THSD7A: variants seen among roughly 807,000 people sequenced by gnomAD.
THSD7A encodes the protein thrombospondin type 1 domain containing 7A, also known as thrombospondin type-1 domain-containing protein 7A.
In THSD7A, 96 loss-of-function variants were observed where a neutral mutation model predicts 231.3. The observed-to-expected ratio is 0.41, with a 90% CI of 0.35 to 0.49. The LOEUF (loss-of-function observed/expected upper bound fraction) is 0.49, where lower values mean the gene tolerates loss of function less well. Ranked by LOEUF, THSD7A falls within the 20% of genes least tolerant of loss-of-function variation. The pLI is 0.05. For synonymous variants in THSD7A, 940 were observed against 743.3 expected (o/e 1.26, Z -4.30); for missense variants, 2,290 against 2,070.2 (o/e 1.11, Z -2.06).
rs1389526366 is a variant in THSD7A, at chr7:11,831,196, C to T, written c.190+561G>A. ...CCTAAAAGTTGTACACTTTAAAAAT[C>T]CTCCGACTCGCTAGTTAATAATTGA... On this transcript the variant is annotated intron_variant, in intron 1 of 27. Coordinates refer to ENST00000423059, the MANE Select transcript of THSD7A (RefSeq NM_015204.3). The surrounding 1 kb of genome is among the most constrained non-coding windows in gnomAD (Gnocchi z 5.0). 6.6e-6 allele frequency among the ~76,000 whole-genome samples: 1 copy of T among 152,180 alleles called. No homozygotes were observed. Among genetic ancestry groups the T allele is most frequent in the Non-Finnish European group, 1.5e-5 (1 of 68,022 alleles).
intron 1 of THSD7A, among the ~76,000 whole-genome samples, chr7:11,813,661 C>T (rs924931698): frequency 1.3e-4 from 19 of 151,352 alleles, no homozygotes; most frequent in African/African-American, 3.9e-4. Flanking sequence ...TGCAGTGAGC[C>T]GAGATAGCAC....
At chr7:11,795,202 C>G (rs1784086386) in intron 1 of THSD7A, among the ~76,000 whole-genome samples, 1 of 151,860 alleles carries the variant, frequency 6.6e-6, no homozygotes, top group South Asian at 2.1e-4. Flanking sequence ...AAATTAGCAT[C>G]CCAAAATTAA....
intron 1 of THSD7A, among the ~76,000 whole-genome samples, chr7:11,725,607 A>G (rs1426908964): frequency 6.6e-6 from 1 of 152,142 alleles, no homozygotes; most frequent in African/African-American, 2.4e-5. Context: ...TTATTTGGTT[A>G]ATTAGTTTTT....
At chr7:11,704,272 T>A (rs1014064225) in intron 1 of THSD7A, among the ~76,000 whole-genome samples, 1 of 151,134 alleles carries the variant, frequency 6.6e-6, no homozygotes, top group Non-Finnish European at 1.5e-5. Flanking sequence ...AGCATTTTCA[T>A]ATTGAATAGG....
At position 11,374,447 on chromosome 7, in the gene THSD7A, A is replaced by G. The variant is rs1782182652; in HGVS notation, c.*1347T>C. 6.6e-6 allele frequency: 1 copy of G among 152,130 alleles called. No individual in the cohort carries two copies. Among genetic ancestry groups the G allele is most frequent in the African/African-American group, 2.4e-5 (1 of 41,440 alleles). 9.4% of individuals were successfully genotyped at this position (152,130 alleles called of 1,614,324 possible). A position where few individuals can be genotyped will look rare whatever the true frequency, so the allele number is the denominator to read the frequency against. The stretch of plus-strand genomic sequence containing the variant: ...TTCAAATTTTGCCAGTGAGAAAGGC[A>G]AAAGACTATGGATTTTGAAATAACT... On this transcript the variant is annotated 3_prime_UTR_variant, in exon 28 of 28. Coordinates refer to ENST00000423059, the MANE Select transcript of THSD7A (RefSeq NM_015204.3).
intron 1 of THSD7A, among the ~76,000 whole-genome samples, chr7:11,684,191 T>G (rs931204772): frequency 6.6e-6 from 1 of 151,904 alleles, no homozygotes; most frequent in African/African-American, 2.4e-5. Context: ...CCTCCCTTCA[T>G]GTTAAAAATC....
chr7:11,451,127 T>C (rs1450936662), intron 11 of THSD7A, among the ~76,000 whole-genome samples: 1 of 151,962 alleles, frequency 6.6e-6, no homozygotes, highest in African/African-American at 2.4e-5. Flanking sequence ...GAAAATGCTG[T>C]AAAGATAAAT....
chr7:11,517,307 T>C (rs967047324), intron 6 of THSD7A, among the ~76,000 whole-genome samples: 10 of 152,068 alleles, frequency 6.6e-5, no homozygotes, highest in Non-Finnish European at 1.2e-4. Flanking sequence ...CTTGAACTCC[T>C]GACCTCGTGA....
chr7:11,587,361 C>G (rs2189634), intron 4 of THSD7A, among the ~76,000 whole-genome samples: 76,627 of 151,946 alleles, frequency 0.5, 19,710 homozygotes, highest in Admixed American at 0.61. Context: ...ACTTGTCAAG[C>G]CTTTCTTCTA....
chr7:11,410,690 T>C (rs1276097302), intron 19 of THSD7A, among the ~76,000 whole-genome samples: 1 of 152,172 alleles, frequency 6.6e-6, no homozygotes, highest in Non-Finnish European at 1.5e-5. Context: ...ACCTAGAAGA[T>C]AGTAATGGCT....
chr7:11,505,340 G>A (rs957909421), intron 6 of THSD7A, among the ~76,000 whole-genome samples: 1 of 151,988 alleles, frequency 6.6e-6, no homozygotes, highest in Non-Finnish European at 1.5e-5. Flanking sequence ...TGATATGAGA[G>A]TCTAATTTCC....
rs141935258 is a variant in THSD7A at position 11,678,052 on chromosome 7, G to A, written c.191-41091C>T. The stretch of plus-strand genomic sequence containing the variant: ...CAGGGTAAGAAACTCACTCAAAAAC[G>A]CAAAACTACATGGAAACTGAACAAC... On this transcript the variant is annotated intron_variant, in intron 1 of 27. Coordinates refer to ENST00000423059, the MANE Select transcript of THSD7A (RefSeq NM_015204.3). 6.5e-3 allele frequency among the ~76,000 whole-genome samples: 988 copies of A among 152,154 alleles called. 10 individuals carry two copies. Among genetic ancestry groups the A allele is most frequent in the African/African-American group, 0.023 (953 of 41,508 alleles).
At chr7:11,760,214 A>T (rs1422258682) in intron 1 of THSD7A, among the ~76,000 whole-genome samples, 2 of 152,126 alleles carry the variant, frequency 1.3e-5, no homozygotes, top group East Asian at 3.8e-4. Context: ...TCAAAAATTA[A>T]TGGAATGATA....
At chr7:11,430,978 G>C (rs997467660) in intron 13 of THSD7A, among the ~76,000 whole-genome samples, 1 of 152,120 alleles carries the variant, frequency 6.6e-6, no homozygotes, top group Non-Finnish European at 1.5e-5. Flanking sequence ...TTCTGTGTGG[G>C]CATACATTTT....
chr7:11,679,423 A>G (rs1783778121), intron 1 of THSD7A, among the ~76,000 whole-genome samples: 1 of 152,332 alleles, frequency 6.6e-6, no homozygotes, highest in Middle Eastern at 3.4e-3. Context: ...CTGTTTTCAG[A>G]TGACTTGATT....
At chr7:11,668,968 T>C (rs1172300788) in intron 1 of THSD7A, among the ~76,000 whole-genome samples, 2 of 152,220 alleles carry the variant, frequency 1.3e-5, no homozygotes, top group Admixed American at 6.5e-5. Flanking sequence ...ATAGTGTTTC[T>C]AGTCGAGTGT....
Position 11,382,561 on chromosome 7 carries a change from T to G in THSD7A, c.4467A>C (p.Arg1489=). The G allele has an allele frequency of 6.2e-7, 1 of 1,612,986 alleles. No individual in the cohort carries two copies. Among genetic ancestry groups the G allele is most frequent in the Non-Finnish European group, 8.5e-7 (1 of 1,179,256 alleles). The change falls in exon 24 of 28, where the codon CGA becomes CGC. Residue 1489 remains arginine (R), a synonymous_variant. Coordinates refer to ENST00000423059, the MANE Select transcript of THSD7A (RefSeq NM_015204.3). ...WMASAWKGSS[R]TVWCQRSDGI... ...CATCTGACCTTTGACACCACACTGT[T>G]CGGGAAGAGCCCTTCCAAGCACTGG...
chr7:11,471,662 G>T (rs756556580), intron 8 of THSD7A, among the ~76,000 whole-genome samples: 1 of 151,858 alleles, frequency 6.6e-6, no homozygotes, highest in Non-Finnish European at 1.5e-5. Flanking sequence ...TCTTGCGCTG[G>T]AATTTCCCTA....
intron 6 of THSD7A, among the ~76,000 whole-genome samples, chr7:11,483,416 GCT>G (rs1489061635): frequency 1.3e-5 from 2 of 151,932 alleles, no homozygotes; most frequent in Admixed American, 6.6e-5. Flanking sequence ...AGTAAAGAAG[GCT>G]CATTAAAATT....
Sources: allele counts gnomAD v4.1 joint callset (sites outside exome capture counted in the v4.1 genomes callset), GRCh38; gene constraint gnomAD v4.1.1; non-coding constraint Gnocchi (gnomAD v3.1); transcripts MANE v1.5; gene names NCBI Gene and HGNC (gene_info 2026-07-23, HGNC 2026-07-21).